Variants in PRMT8 observed in about 807,000 individuals in gnomAD.
PRMT8 encodes protein arginine methyltransferase 8.
A neutral mutation model predicts 47.1 loss-of-function variants in PRMT8; 7 were observed. The ratio of observed to expected loss-of-function variants is 0.15; its 90% CI spans 0.08 to 0.28. The LOEUF (loss-of-function observed/expected upper bound fraction) is 0.28. Ranked by LOEUF, PRMT8 falls within the 10% of genes least tolerant of loss-of-function variation. The pLI is 1.00. For missense variants in PRMT8, 237 were observed against 505.4 expected, an observed-to-expected ratio of 0.47 and a Z score of 5.09; for synonymous variants, 188 against 186.5, an observed-to-expected ratio of 1.01 and a Z score of -0.07.
chr12:3,524,695 C>T (rs924049163), intron 1 of PRMT8, among the ~76,000 whole-genome samples: 1 of 149,292 alleles, frequency 6.7e-6, no homozygotes, highest in African/African-American at 2.5e-5. Context: ...AATCAATAGG[C>T]GACATTTGGG....
chr12:3,482,690 T>G (rs1355340557), intron 1 of PRMT8, among the ~76,000 whole-genome samples: 1 of 152,188 alleles, frequency 6.6e-6, no homozygotes, highest in South Asian at 2.1e-4. Context: ...GTGTCCTTTT[T>G]ACACTTGTAT....
At chr12:3,516,000 C>A (rs1454111436) in intron 1 of PRMT8, among the ~76,000 whole-genome samples, 4 of 152,184 alleles carry the variant, frequency 2.6e-5, no homozygotes, top group African/African-American at 7.2e-5. Context: ...TATAGTTTGG[C>A]CTTGTGTATA....
In PRMT8 at chr12:3,453,750, G is replaced by C. The variant is rs1394107623; in HGVS notation, c.48+72308G>C. ...TCTCCTGCGGCACCCTGTGGTCTGTGTCCTGACGTGGCCCGACTGTGGACC... is the reference window on the plus strand; with the variant it reads ...TCTCCTGCGGCACCCTGTGGTCTGTCTCCTGACGTGGCCCGACTGTGGACC... On this transcript the variant is annotated intron_variant, in intron 1 of 9. Transcript: ENST00000452611. This position sits in a 1 kb window ranked among gnomAD's most constrained non-coding sequence, Gnocchi z 4.9. Among the ~76,000 whole-genome samples, 1 of 152,262 alleles carries C rather than the reference G, an allele frequency of 6.6e-6. No individual in the cohort carries two copies. The highest frequency in any genetic ancestry group is 1.9e-4 in the East Asian group (1 of 5,164).
chr12:3,485,015 G>A (rs1427716089), intron 1 of PRMT8, among the ~76,000 whole-genome samples: 1 of 152,182 alleles, frequency 6.6e-6, no homozygotes, highest in Non-Finnish European at 1.5e-5. Flanking sequence ...GGAAGGAAAG[G>A]AAAGAGAGGG....
chr12:3,393,507 A>T (rs952669003), intron 1 of PRMT8, among the ~76,000 whole-genome samples: 7 of 152,122 alleles, frequency 4.6e-5, no homozygotes, highest in Admixed American at 4.6e-4. Flanking sequence ...CAGGTTTGTC[A>T]AAGATCAGAT....
At chr12:3,392,052 G>T (rs1591536384) in intron 1 of PRMT8, among the ~76,000 whole-genome samples, 2 of 152,230 alleles carry the variant, frequency 1.3e-5, no homozygotes, top group African/African-American at 4.8e-5. Flanking sequence ...GGCAAATTAA[G>T]AAAATACCAA....
intron 1 of PRMT8, among the ~76,000 whole-genome samples, chr12:3,432,034 C>T (rs1389087291): frequency 6.6e-6 from 1 of 152,216 alleles, no homozygotes; most frequent in Non-Finnish European, 1.5e-5. Context: ...AAGCTTCTTT[C>T]TCAGCCTGTG....
At chr12:3,489,797 A>G (rs532999547), upstream of PRMT8, among the ~76,000 whole-genome samples, 4 of 146,850 alleles carry the variant, frequency 2.7e-5, no homozygotes, top group Admixed American at 2.7e-4. Flanking sequence ...TCATCTTTTT[A>G]TTCAAGTTTT....
In PRMT8 at chr12:3,576,863, T is replaced by G; in HGVS notation, c.713-8T>G. 1 of 1,612,994 alleles carries G rather than the reference T, an allele frequency of 6.2e-7. No individual in the cohort carries two copies. The highest frequency in any genetic ancestry group is 8.5e-7 in the Non-Finnish European group (1 of 1,179,140). ...CGCCTGCCTTCACGTCTTGCTCTGC[T>G]CCCACAGGGTGGGAGAATGTCTATG... On this transcript the variant is annotated splice_polypyrimidine_tract_variant and splice_region_variant and intron_variant, in intron 6 of 9. Transcript: ENST00000382622. This position sits in a 1 kb window ranked among gnomAD's most constrained non-coding sequence, Gnocchi z 4.0.
At chr12:3,414,230 A>G (rs78160950) in intron 1 of PRMT8, among the ~76,000 whole-genome samples, 3,362 of 152,302 alleles carry the variant, frequency 0.022, 139 homozygotes, top group African/African-American at 0.074. Flanking sequence ...CTGGAGAAAA[A>G]GGTGATAATA....
intron 1 of PRMT8, among the ~76,000 whole-genome samples, chr12:3,452,100 T>G (rs917515238): frequency 1.3e-5 from 2 of 152,084 alleles, no homozygotes; most frequent in African/African-American, 2.4e-5. Flanking sequence ...ACCCTCTTAG[T>G]TGCTTTCAAA....
intron 1 of PRMT8, among the ~76,000 whole-genome samples, chr12:3,404,501 A>T (rs144835116): frequency 6.6e-6 from 1 of 152,220 alleles, no homozygotes; most frequent in African/African-American, 2.4e-5. Context: ...AGAGAATATC[A>T]TCTGTACCCC....
At chr12:3,489,666 A>G (rs1865354775), upstream of PRMT8, among the ~76,000 whole-genome samples, 1 of 152,104 alleles carries the variant, frequency 6.6e-6, no homozygotes, top group African/African-American at 2.4e-5. Flanking sequence ...TTTTCCTACC[A>G]CTTTCTGCAT....
intron 1 of PRMT8, among the ~76,000 whole-genome samples, chr12:3,497,492 G>A (rs1865528528): frequency 6.6e-6 from 1 of 152,202 alleles, no homozygotes; most frequent in Non-Finnish European, 1.5e-5. Flanking sequence ...TCTAAAAAGA[G>A]ATGAAAACTG....
At chr12:3,531,423 A>C (rs531223800) in intron 1 of PRMT8, among the ~76,000 whole-genome samples, 2 of 152,348 alleles carry the variant, frequency 1.3e-5, no homozygotes, top group Admixed American at 1.3e-4. Flanking sequence ...GGATATAAGA[A>C]GCGAATTTAA....
intron 1 of PRMT8, among the ~76,000 whole-genome samples, chr12:3,432,297 G>C (rs1864689952): frequency 6.6e-6 from 1 of 152,218 alleles, no homozygotes; most frequent in Admixed American, 6.5e-5. Flanking sequence ...AAGTCACCTT[G>C]CACTTCAGCC....
At chr12:3,494,549 T>C (rs1865475253) in intron 1 of PRMT8, among the ~76,000 whole-genome samples, 1 of 152,054 alleles carries the variant, frequency 6.6e-6, no homozygotes, top group South Asian at 2.1e-4. Context: ...TGGGAGTAGA[T>C]GAGGAGTGGG....
intron 1 of PRMT8, among the ~76,000 whole-genome samples, chr12:3,478,436 G>A (rs1865240406): frequency 1.3e-5 from 2 of 152,316 alleles, no homozygotes; most frequent in Middle Eastern, 3.4e-3. Flanking sequence ...ACCTTCTGAA[G>A]GAAGCCATGG....
intron 7 of PRMT8, among the ~76,000 whole-genome samples, chr12:3,579,121 A>G (rs1043644275): frequency 7.2e-5 from 11 of 152,226 alleles, no homozygotes; most frequent in African/African-American, 2.4e-4. Flanking sequence ...AAGCTCACCC[A>G]TAGTACAAGG....
Sources: allele counts gnomAD v4.1 joint callset (sites outside exome capture counted in the v4.1 genomes callset), GRCh38; gene constraint gnomAD v4.1.1; non-coding constraint Gnocchi (gnomAD v3.1); transcripts MANE v1.5; gene names NCBI Gene and HGNC (gene_info 2026-07-23, HGNC 2026-07-21).